The following MARCHF1 variants were observed in gnomAD, a reference collection of about 807,000 sequenced individuals.
MARCHF1 encodes membrane associated ring-CH-type finger 1, also known as E3 ubiquitin-protein ligase MARCHF1.
Under a neutral mutation model 54.2 loss-of-function variants are expected in MARCHF1, and 40 were observed. The observed-to-expected ratio is 0.74, with a 90% CI of 0.57 to 0.96. The LOEUF is 0.96. Ranked by LOEUF, MARCHF1 falls within the 40% of genes least tolerant of loss-of-function variation. MARCHF1 has a pLI of 0.00. For synonymous variants in MARCHF1, 236 were observed against 236.3 expected (o/e 1.00, Z 0.01); for missense variants, 586 against 656.5 (o/e 0.89, Z 1.17).
At chr4:164,220,883 C>A (rs1260128381) in intron 1 of MARCHF1, among the ~76,000 whole-genome samples, 1 of 150,312 alleles carries the variant, frequency 6.7e-6, no homozygotes, top group Non-Finnish European at 1.5e-5. Context: ...TTTAAAAAAA[C>A]AAAACAGTAG....
At chr4:164,008,912 C>T (rs1753355986) in intron 2 of MARCHF1, among the ~76,000 whole-genome samples, 1 of 151,258 alleles carries the variant, frequency 6.6e-6, no homozygotes, top group Non-Finnish European at 1.5e-5. Context: ...AATAATGCAC[C>T]TCAAGGAATA....
intron 1 of MARCHF1, among the ~76,000 whole-genome samples, chr4:164,232,758 G>A (rs1732447761): frequency 6.6e-6 from 1 of 151,830 alleles, no homozygotes; most frequent in African/African-American, 2.4e-5. Flanking sequence ...TGCTTGGCTG[G>A]TTAAAGAGTA....
intron 4 of MARCHF1, among the ~76,000 whole-genome samples, chr4:163,750,950 T>A (rs1007808495): frequency 2.7e-5 from 4 of 149,760 alleles, no homozygotes; most frequent in Non-Finnish European, 6.0e-5. Context: ...AGGAAAAAAA[T>A]TATTGAACTT....
intron 3 of MARCHF1, among the ~76,000 whole-genome samples, chr4:163,909,301 C>T (rs1461205179): frequency 6.6e-6 from 1 of 152,132 alleles, no homozygotes; most frequent in Non-Finnish European, 1.5e-5. Flanking sequence ...TCTTGTAGCA[C>T]TCCAGGATTC....
chr4:164,185,986 G>A (rs1447603962), intron 1 of MARCHF1, among the ~76,000 whole-genome samples: 2 of 152,110 alleles, frequency 1.3e-5, no homozygotes, highest in African/African-American at 4.8e-5. Flanking sequence ...CTCTGCCTCT[G>A]GGTTCAAGTG....
intron 3 of MARCHF1, among the ~76,000 whole-genome samples, chr4:163,938,411 G>A (rs1751845849): frequency 6.6e-6 from 1 of 152,154 alleles, no homozygotes; most frequent in Non-Finnish European, 1.5e-5. Context: ...CCATTTGAGG[G>A]TTTTGTACTG....
intron 1 of MARCHF1, among the ~76,000 whole-genome samples, chr4:164,285,198 A>G (rs1274042826): frequency 6.6e-6 from 1 of 152,146 alleles, no homozygotes; most frequent in Non-Finnish European, 1.5e-5. Flanking sequence ...TATTTTCAAT[A>G]TAACCAAAGA....
intron 3 of MARCHF1, among the ~76,000 whole-genome samples, chr4:163,957,836 A>G (rs1752260944): frequency 6.6e-6 from 1 of 152,072 alleles, no homozygotes; most frequent in Non-Finnish European, 1.5e-5. Flanking sequence ...CCATCCAGAT[A>G]TGATCTGCAC....
At chr4:163,886,562 C>T (rs1468312844) in intron 3 of MARCHF1, among the ~76,000 whole-genome samples, 3 of 151,758 alleles carry the variant, frequency 2.0e-5, no homozygotes, top group African/African-American at 7.3e-5. Flanking sequence ...ATAGAATAAG[C>T]AGAGAAGAGG....
intron 2 of MARCHF1, among the ~76,000 whole-genome samples, chr4:164,033,585 AC>A (rs1228196653): frequency 6.6e-6 from 1 of 152,226 alleles, no homozygotes; most frequent in Non-Finnish European, 1.5e-5. Flanking sequence ...ACACAAAAAA[AC>A]AAACAATCCC....
chr4:163,726,346 T>C (rs1239423052), intron 4 of MARCHF1, among the ~76,000 whole-genome samples: 1 of 152,244 alleles, frequency 6.6e-6, no homozygotes, highest in Non-Finnish European at 1.5e-5. Context: ...TTCTAGAATG[T>C]CATATAATTG....
At chr4:163,686,889 T>C (rs1311376722) in intron 5 of MARCHF1, among the ~76,000 whole-genome samples, 1 of 152,188 alleles carries the variant, frequency 6.6e-6, no homozygotes, top group Non-Finnish European at 1.5e-5. Context: ...TTATTTGTAG[T>C]CATCTTGTTA....
chr4:164,201,463 G>A (rs538277609), intron 1 of MARCHF1, among the ~76,000 whole-genome samples: 9 of 152,116 alleles, frequency 5.9e-5, no homozygotes, highest in Non-Finnish European at 1.0e-4. Context: ...CTCGTGACCC[G>A]CCCGCCTGGG....
chr4:164,019,771 T>C (rs886185640), intron 2 of MARCHF1, among the ~76,000 whole-genome samples: 5 of 152,170 alleles, frequency 3.3e-5, no homozygotes, highest in African/African-American at 1.2e-4. Context: ...ATCCAGAATA[T>C]CTTAATGGCA....
intron 3 of MARCHF1, among the ~76,000 whole-genome samples, chr4:163,935,702 CTTTTTTTTTTT>C (rs34331599): frequency 4.0e-5 from 5 of 125,758 alleles, no homozygotes; most frequent in Non-Finnish European, 8.5e-5. Context: ...TGCTTGCTTT[CTTTTTTTTTTT>C]TTTTTTTTTT....
At chr4:164,258,263 G>A (rs1224505860) in intron 1 of MARCHF1, among the ~76,000 whole-genome samples, 1 of 152,060 alleles carries the variant, frequency 6.6e-6, no homozygotes, top group Non-Finnish European at 1.5e-5. Context: ...GGGGGAATAA[G>A]AGAGAAATAG....
intron 5 of MARCHF1, among the ~76,000 whole-genome samples, chr4:163,672,600 T>C (rs1743775662): frequency 6.6e-6 from 1 of 152,260 alleles, no homozygotes; most frequent in Admixed American, 6.5e-5. Context: ...TGATGTGTCA[T>C]ATTTTATTTA....
chr4:163,998,446 T>C (rs546537625), intron 2 of MARCHF1, among the ~76,000 whole-genome samples: 22 of 151,766 alleles, frequency 1.4e-4, no homozygotes, highest in African/African-American at 4.8e-4. Context: ...ATTAAATAAA[T>C]GAGATAATGG....
intron 2 of MARCHF1, among the ~76,000 whole-genome samples, chr4:164,024,031 A>G (rs1175023879): frequency 6.6e-6 from 1 of 152,198 alleles, no homozygotes; most frequent in Non-Finnish European, 1.5e-5. Flanking sequence ...CAGAAAAAAA[A>G]TACAGAAAAA....
Sources: allele counts gnomAD v4.1 joint callset (sites outside exome capture counted in the v4.1 genomes callset), GRCh38; gene constraint gnomAD v4.1.1; transcripts MANE v1.5; gene names NCBI Gene and HGNC (gene_info 2026-07-23, HGNC 2026-07-21).